Variants in COL5A2 observed in about 807,000 individuals in gnomAD.
The protein encoded by COL5A2 is collagen type V alpha 2 chain.
COL5A2 carries 23 observed loss-of-function variants against 208.2 expected under a neutral mutation model. That is an observed-to-expected ratio of 0.11 (90% CI 0.08 to 0.16). The LOEUF (loss-of-function observed/expected upper bound fraction) is 0.16, where lower values mean the gene tolerates loss of function less well. Ranked by LOEUF, COL5A2 falls within the 10% of genes least tolerant of loss-of-function variation. COL5A2 has a pLI of 1.00. For missense variants in COL5A2, 1,590 were observed against 1,956.4 expected, an observed-to-expected ratio of 0.81 and a Z score of 3.53; for synonymous variants, 625 against 628.5, an observed-to-expected ratio of 0.99 and a Z score of 0.08.
the COL5A2 span, among the ~76,000 whole-genome samples, chr2:189,426,067 T>G: frequency 6.6e-6 from 1 of 152,160 alleles, no homozygotes; most frequent in Non-Finnish European, 1.5e-5. Context: ...TACCTGATAA[T>G]GTGGAAATGA....
chr2:189,153,001 A>G (rs1381678794), intron 1 of COL5A2, among the ~76,000 whole-genome samples: 2 of 152,194 alleles, frequency 1.3e-5, no homozygotes, highest in South Asian at 4.1e-4. Flanking sequence ...GACATATTCA[A>G]TCAAGGTTGG....
intron 1 of COL5A2, among the ~76,000 whole-genome samples, chr2:189,209,537 C>T (rs893298648): frequency 2.6e-5 from 4 of 152,038 alleles, no homozygotes; most frequent in Non-Finnish European, 4.4e-5. Context: ...AGTAATGAGC[C>T]CCAGGTCACA....
chr2:189,224,169 TAAA>T (rs34660235), intron 1 of COL5A2, among the ~76,000 whole-genome samples: 1 of 149,480 alleles, frequency 6.7e-6, no homozygotes, highest in Non-Finnish European at 1.5e-5. Context: ...GGATAAAATC[TAAA>T]AAAAAAAGTT....
the COL5A2 span, among the ~76,000 whole-genome samples, chr2:189,377,772 T>G: frequency 1.6e-4 from 25 of 152,318 alleles, no homozygotes; most frequent in East Asian, 4.8e-3. Context: ...CTGAGAGATT[T>G]AGGGTAAAAA....
intron 44 of COL5A2, 41 bp downstream of exon 44, chr2:189,049,306 C>A (rs1399529996): frequency 7.3e-7 from 1 of 1,362,066 alleles, no homozygotes; most frequent in South Asian, 1.2e-5. Flanking sequence ...TTCCATGACA[C>A]CAGATAACAA....
At chr2:189,194,997 G>C (rs539279018) in intron 1 of COL5A2, among the ~76,000 whole-genome samples, 6 of 152,260 alleles carry the variant, frequency 3.9e-5, no homozygotes, top group South Asian at 2.1e-4. Context: ...ATGAAGTAAA[G>C]GGTATTCAAA....
At chr2:189,138,285 T>C (rs1031275860) in intron 1 of COL5A2, among the ~76,000 whole-genome samples, 1 of 152,042 alleles carries the variant, frequency 6.6e-6, no homozygotes, top group African/African-American at 2.4e-5. Context: ...GGTATATTTT[T>C]AAGGTATTAT....
intron 5 of COL5A2, among the ~76,000 whole-genome samples, chr2:189,098,035 T>TCC (rs770630921): frequency 6.6e-6 from 1 of 150,962 alleles, no homozygotes; most frequent in African/African-American, 2.4e-5. Context: ...AAAATGTTTT[T>TCC]CCCCCCCTGG....
At chr2:189,131,715 T>C (rs2105754665) in intron 1 of COL5A2, among the ~76,000 whole-genome samples, 1 of 152,312 alleles carries the variant, frequency 6.6e-6, no homozygotes, top group East Asian at 1.9e-4. Flanking sequence ...CCTAATGAAA[T>C]ATGCATTAAA....
At chr2:189,245,056 G>A in the COL5A2 span, among the ~76,000 whole-genome samples, 1 of 152,112 alleles carries the variant, frequency 6.6e-6, no homozygotes, top group South Asian at 2.1e-4. Flanking sequence ...AACATTAAAA[G>A]GAAGACCCAC....
At chr2:189,352,014 T>C in the COL5A2 span, among the ~76,000 whole-genome samples, 3 of 151,152 alleles carry the variant, frequency 2.0e-5, no homozygotes, top group Admixed American at 6.6e-5. Context: ...TGTGATCTCA[T>C]TGTTCAACTC....
rs112075464 is a variant in COL5A2, at chr2:189,143,090, C to T, written c.98-32641G>A. ...CACACAGAGTATGCAGTGTCAGCTA[C>T]TTCATAAGCCACCAAGCCGCCTTGA... is the stretch of plus-strand genomic sequence containing the variant. On this transcript the variant is annotated intron_variant, in intron 1 of 53. Coordinates refer to ENST00000374866, the MANE Select transcript of COL5A2 (RefSeq NM_000393.5). Among the ~76,000 whole-genome samples, 11 of 152,264 alleles carry T rather than the reference C, an allele frequency of 7.2e-5. 1 individual carries two copies. The highest frequency in any genetic ancestry group is 2.6e-4 in the African/African-American group (11 of 41,566).
chr2:189,281,860 C>T, the COL5A2 span, among the ~76,000 whole-genome samples: 19,432 of 152,170 alleles, frequency 0.13, 1,810 homozygotes, highest in African/African-American at 0.26. Context: ...GAGGCAGGCA[C>T]TGGAACCCTA....
chr2:189,162,127 A>G (rs1688379340), intron 1 of COL5A2, among the ~76,000 whole-genome samples: 1 of 152,202 alleles, frequency 6.6e-6, no homozygotes, highest in East Asian at 1.9e-4. Context: ...GTCTTCTGTT[A>G]TTCCCCTGAT....
At chr2:189,397,374 G>A in the COL5A2 span, among the ~76,000 whole-genome samples, 1 of 152,146 alleles carries the variant, frequency 6.6e-6, no homozygotes, top group South Asian at 2.1e-4. Context: ...AATGTAGTAA[G>A]AATATTTTAA....
intron 1 of COL5A2, among the ~76,000 whole-genome samples, chr2:189,114,764 C>T (rs1461467012): frequency 6.6e-6 from 1 of 151,912 alleles, no homozygotes; most frequent in Admixed American, 6.6e-5. Context: ...GGCTTAATAC[C>T]TAGGTGATGG....
chr2:189,347,676 T>TC, the COL5A2 span, among the ~76,000 whole-genome samples: 1 of 152,158 alleles, frequency 6.6e-6, no homozygotes, highest in Non-Finnish European at 1.5e-5. Flanking sequence ...AGTCTTGACA[T>TC]TTGCAAGTTA....
chr2:189,094,183 C>T (rs72906333), intron 6 of COL5A2, among the ~76,000 whole-genome samples: 20,203 of 152,092 alleles, frequency 0.13, 1,375 homozygotes, highest in Middle Eastern at 0.19. Context: ...TATGTCTCCA[C>T]GGAATGCCCT....
At chr2:189,052,351 T>C (rs1477050451) in intron 40 of COL5A2, 126 bp from the exon 41 acceptor site, 1 of 910,538 alleles carries the variant, frequency 1.1e-6, no homozygotes, top group Non-Finnish European at 1.7e-6. Context: ...TAAGCAATAT[T>C]TTTTTTTCTT....
Sources: allele counts gnomAD v4.1 joint callset (sites outside exome capture counted in the v4.1 genomes callset), GRCh38; gene constraint gnomAD v4.1.1; transcripts MANE v1.5; gene names NCBI Gene and HGNC (gene_info 2026-07-23, HGNC 2026-07-21).